Variants in MDGA2 observed in about 807,000 individuals in gnomAD.
MDGA2 encodes MAM domain-containing glycosylphosphatidylinositol anchor protein 2.
A neutral mutation model predicts 117.8 loss-of-function variants in MDGA2; 40 were observed. The ratio of observed to expected loss-of-function variants is 0.34; its 90% CI spans 0.26 to 0.44. The LOEUF (loss-of-function observed/expected upper bound fraction) is 0.44, where lower values mean the gene tolerates loss of function less well. Ranked by LOEUF, MDGA2 falls within the 20% of genes least tolerant of loss-of-function variation. MDGA2 has a pLI of 1.00. For missense variants in MDGA2, 1,123 were observed against 1,250.6 expected (o/e 0.90, Z 1.54); for synonymous variants, 452 against 439.0 (o/e 1.03, Z -0.37).
At chr14:47,150,536 T>A (rs1883121164) in intron 3 of MDGA2, among the ~76,000 whole-genome samples, 2 of 152,184 alleles carry the variant, frequency 1.3e-5, no homozygotes, top group Non-Finnish European at 2.9e-5. Context: ...CTCAGAAGCC[T>A]GAAATATTGA....
At chr14:47,106,098 T>C (rs1880656916) in intron 5 of MDGA2, among the ~76,000 whole-genome samples, 1 of 152,114 alleles carries the variant, frequency 6.6e-6, no homozygotes, top group Admixed American at 6.5e-5. Context: ...AGGCTTTTTT[T>C]CATCAAATAT....
At chr14:47,196,746 T>C (rs1885301158) in intron 3 of MDGA2, among the ~76,000 whole-genome samples, 1 of 152,214 alleles carries the variant, frequency 6.6e-6, no homozygotes, top group Admixed American at 6.5e-5. Context: ...AGGCTTGGTA[T>C]ACGAATAAGC....
intron 1 of MDGA2, among the ~76,000 whole-genome samples, chr14:47,627,562 C>T (rs980657352): frequency 6.6e-6 from 1 of 152,184 alleles, no homozygotes; most frequent in African/African-American, 2.4e-5. Context: ...TTGTGCCTAG[C>T]TCAGGGATTG....
At chr14:47,060,510 T>G (rs941205478) in intron 7 of MDGA2, among the ~76,000 whole-genome samples, 1 of 152,096 alleles carries the variant, frequency 6.6e-6, no homozygotes, top group East Asian at 1.9e-4. Context: ...ATACAGCTAC[T>G]TTGAAACTCT....
chr14:46,920,292 A>G (rs1884076655), intron 9 of MDGA2, 132 bp from the exon 10 acceptor site: 1 of 856,592 alleles, frequency 1.2e-6, no homozygotes, highest in African/African-American at 1.8e-5. Context: ...AATTTTCTGG[A>G]TATGTTTTGA....
At chr14:46,984,026 A>G (rs1012680254) in intron 8 of MDGA2, among the ~76,000 whole-genome samples, 14 of 152,032 alleles carry the variant, frequency 9.2e-5, no homozygotes, top group African/African-American at 2.9e-4. Flanking sequence ...GTAATAAAAC[A>G]TAGTTATATT....
intron 1 of MDGA2, among the ~76,000 whole-genome samples, chr14:47,619,149 ACAGATAC>A (rs1368352116): frequency 7.5e-5 from 11 of 146,628 alleles, no homozygotes; most frequent in East Asian, 6.3e-4. Flanking sequence ...ACACACACAC[ACAGATAC>A]ATTATCTACA....
At chr14:46,868,538 G>A (rs1007548749) in intron 14 of MDGA2, among the ~76,000 whole-genome samples, 2 of 151,868 alleles carry the variant, frequency 1.3e-5, no homozygotes, top group African/African-American at 4.8e-5. Flanking sequence ...AAAAGCCAGA[G>A]GGGCATATAT....
At chr14:47,013,136 A>G (rs995028444) in intron 8 of MDGA2, among the ~76,000 whole-genome samples, 1 of 152,134 alleles carries the variant, frequency 6.6e-6, no homozygotes, top group African/African-American at 2.4e-5. Context: ...TTCATTCAGG[A>G]TTCTCTGAAG....
chr14:47,673,622 T>C (rs1325112930), intron 1 of MDGA2, among the ~76,000 whole-genome samples: 6 of 116,288 alleles, frequency 5.2e-5, no homozygotes, highest in Non-Finnish European at 9.0e-5. Flanking sequence ...CACTATTAAC[T>C]ATGACCTGGA....
At chr14:47,478,816 G>C (rs1388962591) in intron 1 of MDGA2, among the ~76,000 whole-genome samples, 1 of 152,196 alleles carries the variant, frequency 6.6e-6, no homozygotes, top group Non-Finnish European at 1.5e-5. Context: ...ATGGATGACA[G>C]ATCACGCTAA....
intron 1 of MDGA2, among the ~76,000 whole-genome samples, chr14:47,527,301 C>T (rs1894992906): frequency 6.6e-6 from 1 of 152,186 alleles, no homozygotes; most frequent in Admixed American, 6.5e-5. Context: ...AAACTAGACA[C>T]AATCTCTTGG....
At chr14:47,397,346 G>A (rs1235913563) in intron 1 of MDGA2, among the ~76,000 whole-genome samples, 10 of 152,100 alleles carry the variant, frequency 6.6e-5, no homozygotes, top group Admixed American at 5.9e-4. Flanking sequence ...GGGGACTAGG[G>A]GAGGGATAGC....
intron 14 of MDGA2, among the ~76,000 whole-genome samples, chr14:46,869,621 C>A (rs1199395462): frequency 6.6e-6 from 1 of 151,778 alleles, no homozygotes; most frequent in African/African-American, 2.4e-5. Context: ...CAACCTAGGT[C>A]CTAGCATGAA....
At chr14:47,164,709 T>C (rs1184187817) in intron 3 of MDGA2, among the ~76,000 whole-genome samples, 1 of 152,198 alleles carries the variant, frequency 6.6e-6, no homozygotes, top group Non-Finnish European at 1.5e-5. Context: ...CTCAGGGATC[T>C]AGAACTGGAA....
intron 2 of MDGA2, among the ~76,000 whole-genome samples, chr14:47,240,065 G>T (rs566905159): frequency 6.6e-6 from 1 of 150,680 alleles, no homozygotes; most frequent in Admixed American, 6.6e-5. Flanking sequence ...GTTTTTTTTT[G>T]AGACAGTCTT....
At chr14:47,586,068 T>C (rs1896319448) in intron 1 of MDGA2, among the ~76,000 whole-genome samples, 1 of 151,928 alleles carries the variant, frequency 6.6e-6, no homozygotes, top group African/African-American at 2.4e-5. Context: ...AGGAGGTATA[T>C]TGGACAGATG....
chr14:47,093,684 ACTT>A lies in MDGA2; in HGVS notation c.1195+3167_1195+3169del, dbSNP rs553729073. On this transcript the variant is annotated intron_variant, in intron 6 of 16. Transcript: ENST00000399232. ...ATGTGAGATTTGTATTCAGTTTTCT[ACTT>A]CTTATCTACATAGAGTGTTATCTCC... Among the ~76,000 whole-genome samples, 54 of 152,274 alleles carry A rather than the reference ACTT, an allele frequency of 3.5e-4. 1 individual carries two copies. The East Asian group carries it at 9.6e-3, about 27-fold the overall frequency.
intron 5 of MDGA2, among the ~76,000 whole-genome samples, chr14:47,124,388 C>T (rs752926036): frequency 1.3e-5 from 2 of 151,998 alleles, no homozygotes; most frequent in Non-Finnish European, 2.9e-5. Context: ...TGTATTTCCC[C>T]AAAGCTAAGA....
Sources: allele counts gnomAD v4.1 joint callset (sites outside exome capture counted in the v4.1 genomes callset), GRCh38; gene constraint gnomAD v4.1.1; transcripts MANE v1.5; gene names NCBI Gene and HGNC (gene_info 2026-07-23, HGNC 2026-07-21).